The following NTN1 variants were observed in gnomAD, a reference collection of about 807,000 sequenced individuals.
NTN1 encodes netrin 1, also known as netrin-1.
A neutral mutation model predicts 54.2 loss-of-function variants in NTN1; 11 were observed. The observed-to-expected ratio is 0.20, with a 90% confidence interval of 0.13 to 0.34. The LOEUF is 0.34. Ranked by LOEUF, NTN1 falls within the 10% of genes least tolerant of loss-of-function variation. The pLI, the probability that NTN1 is intolerant of heterozygous loss-of-function variation, is 1.00. For missense variants in NTN1, 740 were observed against 893.1 expected (o/e 0.83, Z 2.18); for synonymous variants, 371 against 382.0 (o/e 0.97, Z 0.33).
At chr17:9,023,416 C>G in intron 2 of NTN1, 25 bp downstream of exon 2, 1 of 1,345,316 alleles carries the variant, frequency 7.4e-7, no homozygotes, top group South Asian at 1.9e-5. Flanking sequence ...GCGGCGGAGC[C>G]GGCGGCGGGT....
chr17:9,202,597 G>C (rs1245605099), intron 5 of NTN1, among the ~76,000 whole-genome samples: 1 of 152,142 alleles, frequency 6.6e-6, no homozygotes, highest in African/African-American at 2.4e-5. Flanking sequence ...ACATTGTTGT[G>C]GGTTGAGTGG....
intron 2 of NTN1, among the ~76,000 whole-genome samples, chr17:9,084,008 T>C (rs373458995): frequency 6.6e-6 from 1 of 152,208 alleles, no homozygotes; most frequent in East Asian, 1.9e-4. Flanking sequence ...AAAAAGCGTC[T>C]ATCATGGGGG....
rs960536936 is a variant in NTN1, at chr17:9,089,877, G to A, written c.1018+66486G>A. Among the ~76,000 whole-genome samples, 20 of 152,132 alleles carry A rather than the reference G, an allele frequency of 1.3e-4. No individual in the cohort carries two copies. The East Asian group carries it at 2.1e-3, about 16-fold the overall frequency. ...TTTCTGGCGGGGACTTGTTAGAGTG[G>A]CCAAACAAACTTTTTTTTTTAAACA... is the stretch of plus-strand genomic sequence containing the variant. On this transcript the variant is annotated intron_variant, in intron 2 of 6. Coordinates refer to ENST00000173229, the MANE Select transcript of NTN1 (RefSeq NM_004822.3).
At chr17:9,136,710 T>C (rs556867088) in intron 2 of NTN1, among the ~76,000 whole-genome samples, 2 of 152,340 alleles carry the variant, frequency 1.3e-5, no homozygotes, top group South Asian at 4.1e-4. Flanking sequence ...CCTTTTATTA[T>C]TTTTTTGAAG....
At chr17:9,192,010 CTG>C (rs1416744908) in intron 5 of NTN1, among the ~76,000 whole-genome samples, 1 of 150,862 alleles carries the variant, frequency 6.6e-6, no homozygotes, top group Non-Finnish European at 1.5e-5. Flanking sequence ...TAGAGTGACA[CTG>C]TTTGGAAAAT....
At chr17:9,139,332 A>C (rs2092290722) in intron 2 of NTN1, among the ~76,000 whole-genome samples, 1 of 152,204 alleles carries the variant, frequency 6.6e-6, no homozygotes, top group Non-Finnish European at 1.5e-5. Context: ...TAAAGTGGGC[A>C]GAATGAGGGC....
intron 2 of NTN1, among the ~76,000 whole-genome samples, chr17:9,129,044 G>A (rs772189271): frequency 6.6e-6 from 1 of 152,106 alleles, no homozygotes; most frequent in Non-Finnish European, 1.5e-5. Flanking sequence ...TGTGATCCCC[G>A]AGTCCCTCTC....
chr17:9,052,740 C>T (rs1468865966), intron 2 of NTN1, among the ~76,000 whole-genome samples: 2 of 152,216 alleles, frequency 1.3e-5, no homozygotes, highest in Admixed American at 6.5e-5. Flanking sequence ...TAGCAAGACC[C>T]TGTCTCCAAG....
At chr17:9,213,165 G>A (rs955561249) in intron 5 of NTN1, among the ~76,000 whole-genome samples, 2 of 152,192 alleles carry the variant, frequency 1.3e-5, no homozygotes, top group African/African-American at 4.8e-5. Context: ...ATGCCAGCCA[G>A]CCAGGATGGG....
At chr17:9,035,583 T>C (rs1460154878) in intron 2 of NTN1, among the ~76,000 whole-genome samples, 1 of 152,224 alleles carries the variant, frequency 6.6e-6, no homozygotes, top group African/African-American at 2.4e-5. Context: ...ATTTCACTTT[T>C]ATTTTTAACA....
intron 2 of NTN1, among the ~76,000 whole-genome samples, chr17:9,130,588 G>T (rs976032442): frequency 6.6e-6 from 1 of 152,138 alleles, no homozygotes; most frequent in Non-Finnish European, 1.5e-5. Flanking sequence ...AGCCAGATAT[G>T]TCTGTTCTTC....
intron 5 of NTN1, among the ~76,000 whole-genome samples, chr17:9,199,172 C>T (rs1158766412): frequency 5.3e-5 from 8 of 152,296 alleles, no homozygotes; most frequent in East Asian, 3.9e-4. Context: ...GACAGTGTTT[C>T]GCTCTTGTTG....
chr17:9,233,361 G>A (rs964830968), intron 6 of NTN1, among the ~76,000 whole-genome samples: 1 of 152,086 alleles, frequency 6.6e-6, no homozygotes, highest in Non-Finnish European at 1.5e-5. Flanking sequence ...TGAATGGGCA[G>A]CATCTATAAC....
At chr17:9,078,862 C>T (rs1298081356) in intron 2 of NTN1, among the ~76,000 whole-genome samples, 4 of 152,218 alleles carry the variant, frequency 2.6e-5, no homozygotes. Context: ...GCGGTTTGCT[C>T]CAGGAGACAG....
intron 2 of NTN1, among the ~76,000 whole-genome samples, chr17:9,132,526 G>A (rs2092269011): frequency 1.3e-5 from 2 of 152,110 alleles, no homozygotes; most frequent in Admixed American, 1.3e-4. Flanking sequence ...TTTAATCCTA[G>A]CACTGTGTCT....
chr17:9,013,375 C>G, the NTN1 span, among the ~76,000 whole-genome samples: 1 of 152,006 alleles, frequency 6.6e-6, no homozygotes, highest in African/African-American at 2.4e-5. Flanking sequence ...CGCCACCACA[C>G]CCGGCTTATT....
At chr17:9,107,151 CTA>C (rs2092170212) in intron 2 of NTN1, among the ~76,000 whole-genome samples, 1 of 152,332 alleles carries the variant, frequency 6.6e-6, no homozygotes, top group Non-Finnish European at 1.5e-5. Context: ...CTCTCCAACT[CTA>C]TGATTCTGAG....
intron 2 of NTN1, among the ~76,000 whole-genome samples, chr17:9,100,367 G>T (rs1374140134): frequency 6.6e-6 from 1 of 152,008 alleles, no homozygotes. Flanking sequence ...GCACGATCTC[G>T]GCTCACTCCA....
intron 2 of NTN1, among the ~76,000 whole-genome samples, chr17:9,061,004 G>T (rs1460431571): frequency 1.4e-5 from 2 of 146,680 alleles, no homozygotes; most frequent in African/African-American, 5.0e-5. Flanking sequence ...AGGCAACAAA[G>T]GTTTAGGATG....
Sources: gnomAD v4.1 joint callset for allele counts (sites outside exome capture counted in the v4.1 genomes callset) on GRCh38, gnomAD v4.1.1 for gene constraint, MANE v1.5 for transcripts, NCBI Gene and HGNC (gene_info 2026-07-23, HGNC 2026-07-21) for gene names.